PRKN: variants seen among roughly 807,000 people sequenced by gnomAD.
PRKN encodes E3 ubiquitin-protein ligase parkin.
A neutral mutation model predicts 59.5 loss-of-function variants in PRKN; 56 were observed. The ratio of observed to expected loss-of-function variants is 0.94; its 90% CI spans 0.76 to 1.18. The LOEUF is 1.18. Ranked by LOEUF, PRKN falls within the 50% of genes most tolerant of loss-of-function variation. PRKN has a pLI of 0.00. For synonymous variants in PRKN, 250 were observed against 222.1 expected, an observed-to-expected ratio of 1.13 and a Z score of -1.12; for missense variants, 657 against 596.4, an observed-to-expected ratio of 1.10 and a Z score of -1.06.
intron 9 of PRKN, among the ~76,000 whole-genome samples, chr6:161,464,048 C>T (rs574370364): frequency 1.3e-5 from 2 of 152,054 alleles, no homozygotes; most frequent in Non-Finnish European, 2.9e-5. Flanking sequence ...GAGTTTTGCT[C>T]TTGTTGCCCA....
At chr6:162,263,742 T>G (rs1780003206) in intron 2 of PRKN, among the ~76,000 whole-genome samples, 1 of 144,502 alleles carries the variant, frequency 6.9e-6, no homozygotes, top group Non-Finnish European at 1.5e-5. Context: ...TAGCCTGAGG[T>G]CAGGAGTTCG....
intron 6 of PRKN, among the ~76,000 whole-genome samples, chr6:161,833,649 G>A (rs1792610622): frequency 6.6e-6 from 1 of 152,140 alleles, no homozygotes. Context: ...GATGGAGTGA[G>A]CAGATCGGGG....
Position 161,582,906 on chromosome 6 carries a change from T to C in PRKN, c.872-13490A>G, listed in dbSNP as rs886141266. Among the ~76,000 whole-genome samples the C allele has an allele frequency of 1.3e-5, 2 of 150,578 alleles. No individual in the cohort carries two copies. The highest frequency in any genetic ancestry group is 2.9e-5 in the Non-Finnish European group (2 of 67,812). ...CATAGGCCTGACATAGGAAAAAGAC[T>C]ATGGGAGCCCTTGTGCCAGTGACTA... is the stretch of plus-strand genomic sequence containing the variant. On this transcript the variant is annotated intron_variant, in intron 7 of 11. Transcript: ENST00000366898. This position sits in a 1 kb window ranked among gnomAD's most constrained non-coding sequence, Gnocchi z 4.4.
intron 8 of PRKN, among the ~76,000 whole-genome samples, chr6:161,563,178 C>A (rs1432427167): frequency 1.3e-5 from 2 of 152,122 alleles, no homozygotes; most frequent in South Asian, 4.2e-4. Flanking sequence ...AACTACCCCT[C>A]ATCTAAAGTA....
chr6:162,646,411 TAC>T (rs918118684), intron 1 of PRKN, among the ~76,000 whole-genome samples: 2 of 152,070 alleles, frequency 1.3e-5, no homozygotes, highest in African/African-American at 4.8e-5. Context: ...TAGCTAGGAC[TAC>T]AGATACATGT....
chr6:162,148,784 T>G (rs1186573866), intron 4 of PRKN, among the ~76,000 whole-genome samples: 2 of 152,128 alleles, frequency 1.3e-5, no homozygotes, highest in Non-Finnish European at 2.9e-5. Flanking sequence ...GTCAGGAAAT[T>G]AGGAAGTTCT....
chr6:162,196,934 C>T (rs1320964215), intron 4 of PRKN, among the ~76,000 whole-genome samples: 2 of 152,076 alleles, frequency 1.3e-5, no homozygotes, highest in African/African-American at 2.4e-5. Flanking sequence ...GAGTGGATCT[C>T]GTTGCAAACT....
intron 9 of PRKN, among the ~76,000 whole-genome samples, chr6:161,537,321 A>G (rs1779447733): frequency 6.6e-6 from 1 of 152,186 alleles, no homozygotes. Context: ...ATTTCATCTT[A>G]TTTCTGATGC....
chr6:162,438,667 T>TA (rs1319439775), intron 2 of PRKN, among the ~76,000 whole-genome samples: 1 of 152,176 alleles, frequency 6.6e-6, no homozygotes, highest in Non-Finnish European at 1.5e-5. Context: ...AGAACAATGT[T>TA]AGCCCTATAG....
At chr6:162,534,390 T>C (rs1438012614) in intron 1 of PRKN, among the ~76,000 whole-genome samples, 1 of 152,116 alleles carries the variant, frequency 6.6e-6, no homozygotes, top group East Asian at 1.9e-4. Flanking sequence ...ACTTTTCTTT[T>C]TCCCTTCTTT....
chr6:161,992,463 A>T (rs1286424059), intron 5 of PRKN, among the ~76,000 whole-genome samples: 2 of 152,222 alleles, frequency 1.3e-5, no homozygotes, highest in Non-Finnish European at 2.9e-5. Context: ...TATATTTTTT[A>T]AAAAATTATA....
chr6:161,975,737 G>A (rs531274858), intron 5 of PRKN, among the ~76,000 whole-genome samples: 5 of 152,120 alleles, frequency 3.3e-5, no homozygotes, highest in East Asian at 1.9e-4. Flanking sequence ...TGTTCCTACC[G>A]CTCAGGGGCC....
intron 10 of PRKN, among the ~76,000 whole-genome samples, chr6:161,381,839 G>C (rs933842206): frequency 6.6e-6 from 1 of 151,814 alleles, no homozygotes. Flanking sequence ...TAGGCCGGGC[G>C]CAGTGGCTCA....
In PRKN at chr6:161,371,822, A is replaced by G. The variant is rs2114898084; in HGVS notation, c.1168-11617T>C. 1.3e-5 allele frequency among the ~76,000 whole-genome samples: 2 copies of G among 152,148 alleles called. No homozygotes were observed. The highest frequency in any genetic ancestry group is 4.1e-4 in the South Asian group (2 of 4,820). ...CCTCGCTAATTTTTGTATTTTTAGTAGAGATGGGATTTCATCACTTTGGCC... is the reference window on the plus strand; with the variant it reads ...CCTCGCTAATTTTTGTATTTTTAGTGGAGATGGGATTTCATCACTTTGGCC... On this transcript the variant is annotated intron_variant, in intron 10 of 11. Coordinates refer to ENST00000366898, the MANE Select transcript of PRKN (RefSeq NM_004562.3). The surrounding 1 kb of genome is among the most constrained non-coding windows in gnomAD (Gnocchi z 5.5).
intron 2 of PRKN, among the ~76,000 whole-genome samples, chr6:162,317,251 T>G (rs1046605612): frequency 6.6e-6 from 1 of 152,042 alleles, no homozygotes; most frequent in Non-Finnish European, 1.5e-5. Flanking sequence ...CTGGACATAA[T>G]TGAATCATGG....
rs114177213 is a variant in PRKN, at chr6:161,530,275, C to A, written c.1083+18579G>T. ...AATTTAGACATTTTTTGAAGATTCA[C>A]GTGTTTGGTTCAATATAAAAGTATC... is the stretch of plus-strand genomic sequence containing the variant. On this transcript the variant is annotated intron_variant, in intron 9 of 11. Coordinates refer to ENST00000366898, the MANE Select transcript of PRKN (RefSeq NM_004562.3). This position sits in a 1 kb window ranked among gnomAD's most constrained non-coding sequence, Gnocchi z 5.0. Among the ~76,000 whole-genome samples, 716 of 152,264 alleles carry A rather than the reference C, an allele frequency of 4.7e-3. 8 individuals carry two copies. Among genetic ancestry groups the A allele is most frequent in the Middle Eastern group, 0.017 (5 of 294 alleles).
intron 6 of PRKN, among the ~76,000 whole-genome samples, chr6:161,850,345 T>C (rs1793374908): frequency 6.6e-6 from 1 of 152,038 alleles, no homozygotes; most frequent in Non-Finnish European, 1.5e-5. Flanking sequence ...TTTGGAAGGC[T>C]GAGGTGCGTG....
chr6:162,102,567 G>A (rs528341731), intron 4 of PRKN, among the ~76,000 whole-genome samples: 13 of 152,250 alleles, frequency 8.5e-5, no homozygotes, highest in African/African-American at 2.9e-4. Context: ...TTCTGGAGAC[G>A]ACCTTCACTA....
chr6:161,824,849 T>A (rs1381887316), intron 6 of PRKN, among the ~76,000 whole-genome samples: 1 of 152,240 alleles, frequency 6.6e-6, no homozygotes, highest in Non-Finnish European at 1.5e-5. Flanking sequence ...CATTTCATAA[T>A]ATGCCAACAC....
Sources: gnomAD v4.1 joint callset for allele counts (sites outside exome capture counted in the v4.1 genomes callset) on GRCh38, gnomAD v4.1.1 for gene constraint, Gnocchi (gnomAD v3.1) non-coding constraint, MANE v1.5 for transcripts, NCBI Gene and HGNC (gene_info 2026-07-23, HGNC 2026-07-21) for gene names.